TGM6: variants seen among roughly 807,000 people sequenced by gnomAD.
TGM6 encodes the protein transglutaminase 6.
TGM6 carries 74 observed loss-of-function variants against 77.5 expected under a neutral mutation model. The ratio of observed to expected loss-of-function variants is 0.96; its 90% CI spans 0.79 to 1.16. The LOEUF is 1.16. Among genes scored for constraint, TGM6 ranks in the 50% most tolerant of loss-of-function variants. TGM6 has a pLI of 0.00. For synonymous variants in TGM6, 383 were observed against 378.9 expected (o/e 1.01, Z -0.12); for missense variants, 968 against 940.2 (o/e 1.03, Z -0.39).
At chr20:2,430,788 G>C (rs978622996) in intron 11 of TGM6, 106 bp from the exon 12 acceptor site, 1 of 1,602,966 alleles carries the variant, frequency 6.2e-7, no homozygotes, top group African/African-American at 1.3e-5. Context: ...ATATGGAGGT[G>C]GGGGTGGACA....
intron 1 of TGM6, among the ~76,000 whole-genome samples, chr20:2,384,032 G>C (rs149214467): frequency 6.6e-6 from 1 of 151,560 alleles, no homozygotes; most frequent in East Asian, 2.0e-4. Context: ...GCATGAACCC[G>C]GGAGGCGGAG....
At chr20:2,406,359 G>A (rs976565219) in intron 9 of TGM6, among the ~76,000 whole-genome samples, 1 of 151,984 alleles carries the variant, frequency 6.6e-6, no homozygotes, top group Non-Finnish European at 1.5e-5. Context: ...CAGGCATGGT[G>A]GCATATGCCT....
At position 2,432,612 on chromosome 20, in the gene TGM6, T is replaced by G. The variant is rs778034092; in HGVS notation, c.2090T>G (p.Phe697Cys). The G allele has an allele frequency of 1.9e-6, 3 of 1,614,116 alleles. No homozygotes were observed. The highest frequency in any genetic ancestry group is 1.3e-5 in the African/African-American group (1 of 75,032). ...VSPHFPDIKGFVIVHVATAK is the reference protein window; with the variant it reads ...VSPHFPDIKGCVIVHVATAK ...CCTCACTTCCCGGACATCAAGGGCT[T>G]TGTGATCGTCCATGTGGCCACTGCC... The change falls in exon 13 of 13, where the codon TTT becomes TGT. Residue 697 changes from phenylalanine to cysteine, a missense_variant. Transcript: ENST00000202625.
At chr20:2,383,346 AGAT>A (rs2084568658) in intron 1 of TGM6, among the ~76,000 whole-genome samples, 2 of 152,160 alleles carry the variant, frequency 1.3e-5, no homozygotes, top group South Asian at 4.1e-4. Context: ...AGGAGGAGGA[AGAT>A]GGATGAGCTA....
rs1599951047 is a variant in TGM6, at chr20:2,399,740, T to G, written c.850+2T>G. On this transcript the variant is annotated splice_donor_variant, in intron 6 of 12. Coordinates refer to ENST00000202625, the MANE Select transcript of TGM6 (RefSeq NM_198994.3). LOFTEE classifies it high-confidence loss of function. ...TCTTCGCCGGAGTCCTGTGCACAGGTACCCTGGGAGAGAAGGGCCCCAGGG... is the reference window on the plus strand; with the variant it reads ...TCTTCGCCGGAGTCCTGTGCACAGGGACCCTGGGAGAGAAGGGCCCCAGGG... 1 of 1,612,954 alleles carries G rather than the reference T, an allele frequency of 6.2e-7. No homozygotes were observed. The highest frequency in any genetic ancestry group is 8.5e-7 in the Non-Finnish European group (1 of 1,179,474).
chr20:2,408,713 A>G (rs765941830), intron 9 of TGM6, among the ~76,000 whole-genome samples: 3 of 152,196 alleles, frequency 2.0e-5, no homozygotes, highest in Non-Finnish European at 4.4e-5. Context: ...CAGGACATAT[A>G]AGCCACATTT....
intron 1 of TGM6, among the ~76,000 whole-genome samples, chr20:2,389,755 T>C (rs1302892552): frequency 6.6e-6 from 1 of 151,992 alleles, no homozygotes; most frequent in Non-Finnish European, 1.5e-5. Context: ...GATGAAGTGA[T>C]CAGATGCCAT....
chr20:2,395,791 A>G (rs1378668323), intron 3 of TGM6, among the ~76,000 whole-genome samples: 1 of 152,222 alleles, frequency 6.6e-6, no homozygotes, highest in Non-Finnish European at 1.5e-5. Flanking sequence ...ACCTCTTATG[A>G]CTATGGTGAA....
intron 7 of TGM6, among the ~76,000 whole-genome samples, chr20:2,401,649 A>C (rs1282851280): frequency 1.3e-5 from 2 of 152,218 alleles, no homozygotes; most frequent in Non-Finnish European, 2.9e-5. Flanking sequence ...CAACCTGTGA[A>C]TAAGTTAAGA....
chr20:2,416,296 G>A (rs6132619), intron 9 of TGM6, among the ~76,000 whole-genome samples: 25,678 of 152,094 alleles, frequency 0.17, 2,259 homozygotes, highest in East Asian at 0.25. Context: ...TGTGACATTG[G>A]CATAAGAAGG....
At chr20:2,416,487 T>A (rs2084817604) in intron 9 of TGM6, among the ~76,000 whole-genome samples, 1 of 152,248 alleles carries the variant, frequency 6.6e-6, no homozygotes, top group Non-Finnish European at 1.5e-5. Context: ...TGTTATACCC[T>A]ACAGTTCTGT....
intron 9 of TGM6, 111 bp from the exon 10 acceptor site, chr20:2,417,119 ATG>A (rs780051141): frequency 6.9e-6 from 6 of 875,014 alleles, no homozygotes; most frequent in Admixed American, 2.2e-5. Flanking sequence ...AACACAAGGC[ATG>A]TGGCGCCGGT....
At chr20:2,409,020 C>T (rs2122389541) in intron 9 of TGM6, among the ~76,000 whole-genome samples, 2 of 152,238 alleles carry the variant, frequency 1.3e-5, no homozygotes, top group Non-Finnish European at 2.9e-5. Flanking sequence ...ATAGCAGCAA[C>T]ATATACACAT....
chr20:2,383,975 T>C (rs886511587), intron 1 of TGM6, among the ~76,000 whole-genome samples: 1 of 151,804 alleles, frequency 6.6e-6, no homozygotes, highest in Admixed American at 6.6e-5. Flanking sequence ...GGCATGGTGG[T>C]GGACACCTGT....
intron 9 of TGM6, among the ~76,000 whole-genome samples, chr20:2,407,166 C>G (rs1337515237): frequency 6.6e-6 from 1 of 152,214 alleles, no homozygotes; most frequent in Non-Finnish European, 1.5e-5. Context: ...TGCACTGCCA[C>G]TATTTAATTA....
rs576516098 is a variant in TGM6 at position 2,406,404 on chromosome 20, G to A, written c.1336+2581G>A. On this transcript the variant is annotated intron_variant, in intron 9 of 12. Coordinates refer to ENST00000202625, the MANE Select transcript of TGM6 (RefSeq NM_198994.3). ...GCTACTCAGGAGGCTCCAGTGGGAGGAATGCTTGATTCTGGAAAGCAGAGG... is the reference window on the plus strand; with the variant it reads ...GCTACTCAGGAGGCTCCAGTGGGAGAAATGCTTGATTCTGGAAAGCAGAGG... 6.6e-5 allele frequency among the ~76,000 whole-genome samples: 10 copies of A among 150,864 alleles called. No homozygotes were observed. The East Asian group carries it at 2.0e-3, about 30-fold the overall frequency.
rs759450326 is a variant in TGM6 at position 2,430,511 on chromosome 20, A to T, written c.1744A>T (p.Ile582Phe). 2 of 1,614,050 alleles carry T rather than the reference A, an allele frequency of 1.2e-6. No individual in the cohort carries two copies. Among genetic ancestry groups the T allele is most frequent in the Admixed American group, 1.7e-5 (1 of 60,010 alleles). Residue 582 changes from isoleucine to phenylalanine, a missense_variant, in exon 11 of 13, where the codon ATC (isoleucine) becomes TTC (phenylalanine). Ile to Phe is a conservative substitution (Grantham distance 21). Coordinates refer to ENST00000202625, the MANE Select transcript of TGM6 (RefSeq NM_198994.3). The part of the protein sequence containing the change: ...YKEDLTEDKK[I>F]LLAAMCLVTK... The stretch of plus-strand genomic sequence containing the variant: ...AGAAGACCTGACAGAGGACAAGAAG[A>T]TCCTGTTGGCTGCCATGTGCCTTGT...
chr20:2,431,462 C>A (rs140208092), intron 12 of TGM6, among the ~76,000 whole-genome samples: 90 of 152,348 alleles, frequency 5.9e-4, no homozygotes, highest in Non-Finnish European at 7.1e-4. Context: ...TTTACTTATT[C>A]ATTGTCAATC....
At chr20:2,417,708 T>G (rs1449721403) in intron 10 of TGM6, 135 bp downstream of exon 10, 2 of 1,034,274 alleles carry the variant, frequency 1.9e-6, no homozygotes, top group East Asian at 5.2e-5. Flanking sequence ...TTGTGCTCAG[T>G]GCCTTGCCTC....
Sources: gnomAD v4.1 joint callset for allele counts (sites outside exome capture counted in the v4.1 genomes callset) on GRCh38, gnomAD v4.1.1 for gene constraint, MANE v1.5 for transcripts, NCBI Gene and HGNC (gene_info 2026-07-23, HGNC 2026-07-21) for gene names.